The following TENM1 variants were observed in gnomAD, a reference collection of about 807,000 sequenced individuals.
The protein encoded by TENM1 is teneurin-1.
In TENM1, 35 loss-of-function variants were observed where a neutral mutation model predicts 174.8. That is an observed-to-expected ratio of 0.20 (90% confidence interval 0.15 to 0.27). The LOEUF (loss-of-function observed/expected upper bound fraction) is 0.27, where lower values mean the gene tolerates loss of function less well. Ranked by LOEUF, TENM1 falls within the 10% of genes least tolerant of loss-of-function variation. The probability of loss-of-function intolerance (pLI) is 1.00; values close to 1 mark genes in which losing one functional copy is unlikely to be tolerated. For missense variants in TENM1, 1,633 were observed against 2,130.1 expected (o/e 0.77, Z 4.59); for synonymous variants, 781 against 798.7 (o/e 0.98, Z 0.37).
At chrX:124,499,681 A>G (rs1248375290) in intron 19 of TENM1, among the ~76,000 whole-genome samples, 1 of 112,045 alleles carries the variant, frequency 8.9e-6, no homozygotes, top group African/African-American at 3.2e-5. Flanking sequence ...AGTGTGGTCA[A>G]TATTGTAATT....
chrX:124,869,760 G>A (rs1286411442), intron 3 of TENM1, among the ~76,000 whole-genome samples: 1 of 104,495 alleles, frequency 9.6e-6, no homozygotes, highest in Non-Finnish European at 1.9e-5. Context: ...TTGTTTGTAG[G>A]ATCTAAAAAT....
chrX:124,738,239 T>G (rs941412231), intron 3 of TENM1, among the ~76,000 whole-genome samples: 31 of 111,285 alleles, frequency 2.8e-4, no homozygotes, highest in Admixed American at 4.8e-4. Flanking sequence ...GACTGAGAGT[T>G]GAAAAGCAGA....
chrX:124,718,182 A>G (rs187160464), intron 4 of TENM1, among the ~76,000 whole-genome samples: 11 of 112,457 alleles, frequency 9.8e-5, no homozygotes, highest in Admixed American at 2.8e-4. Flanking sequence ...GCAGGTCTAA[A>G]GTAAGGCAGG....
rs201023481 is a variant in TENM1 at position 124,907,148 on chromosome X, A to G, written c.218-10907T>C. ...AATGTACTCTGCTTGCCTAATTTAA[A>G]TGGCCAAGAAGAACACTGGGAACAA... On this transcript the variant is annotated intron_variant, in intron 1 of 31. Transcript: ENST00000422452. 5.3e-5 allele frequency among the ~76,000 whole-genome samples: 6 copies of G among 112,287 alleles called. No homozygotes were observed. In the East Asian group the frequency reaches 1.4e-3, roughly 26 times the overall value.
the TENM1 span, among the ~76,000 whole-genome samples, chrX:125,169,494 C>CAAA: frequency 1.1e-4 from 12 of 111,664 alleles, no homozygotes; most frequent in African/African-American, 3.9e-4. Context: ...CACAGTCAGG[C>CAAA]TTTGGCCTTG....
At chrX:124,751,591 C>A (rs769703938) in intron 3 of TENM1, among the ~76,000 whole-genome samples, 13 of 107,959 alleles carry the variant, frequency 1.2e-4, no homozygotes, top group Admixed American at 1.1e-3. Flanking sequence ...GCTGCACCCA[C>A]TAACTCGTCA....
chrX:124,652,781 A>C (rs1012183250), intron 7 of TENM1, among the ~76,000 whole-genome samples: 15 of 112,067 alleles, frequency 1.3e-4, no homozygotes, highest in Non-Finnish European at 2.4e-4. Flanking sequence ...CATTTTTTCT[A>C]ATCAGTTGAC....
intron 3 of TENM1, among the ~76,000 whole-genome samples, chrX:124,827,958 A>C: frequency 8.9e-6 from 1 of 111,787 alleles, no homozygotes. Context: ...CTTTATATGT[A>C]TATATTTCAA....
intron 3 of TENM1, among the ~76,000 whole-genome samples, chrX:124,827,501 C>T (rs191117757): frequency 8.9e-6 from 1 of 111,966 alleles, no homozygotes; most frequent in Non-Finnish European, 1.9e-5. Context: ...AGTGAAAATG[C>T]CTTTATTTTG....
At chrX:124,666,358 A>G (rs770514902) in intron 6 of TENM1, among the ~76,000 whole-genome samples, 55 of 111,682 alleles carry the variant, frequency 4.9e-4, no homozygotes, top group African/African-American at 1.8e-3. Context: ...CTCCATTTAT[A>G]TTGCTACTGA....
At chrX:124,763,573 T>A (rs1174324078) in intron 3 of TENM1, among the ~76,000 whole-genome samples, 1 of 111,242 alleles carries the variant, frequency 9.0e-6, no homozygotes, top group East Asian at 2.8e-4. Flanking sequence ...CAGGAGCTCA[T>A]CTCCTATTCT....
chrX:124,637,291 T>C (rs1414316281), intron 11 of TENM1, among the ~76,000 whole-genome samples: 2 of 110,139 alleles, frequency 1.8e-5, no homozygotes, highest in African/African-American at 6.6e-5. Flanking sequence ...GGTTTCACCA[T>C]GTTGGCCAGG....
chrX:124,506,861 C>T (rs1000225414), intron 18 of TENM1, among the ~76,000 whole-genome samples: 5 of 111,795 alleles, frequency 4.5e-5, no homozygotes, highest in Admixed American at 2.9e-4. Flanking sequence ...GCACTAAATG[C>T]CTACTTTTTT....
intron 3 of TENM1, among the ~76,000 whole-genome samples, chrX:124,771,860 T>C (rs184337045): frequency 9.1e-4 from 102 of 111,994 alleles, no homozygotes; most frequent in Middle Eastern, 4.6e-3. Context: ...TAAGAAAATG[T>C]GTAGAAAGAT....
chrX:124,603,618 C>T (rs1354227213), intron 11 of TENM1, among the ~76,000 whole-genome samples: 1 of 111,844 alleles, frequency 8.9e-6, no homozygotes. Context: ...CTACACTAAA[C>T]TGCTTTCAGA....
At chrX:124,412,904 G>A (rs1376264454) in intron 25 of TENM1, among the ~76,000 whole-genome samples, 2 of 112,393 alleles carry the variant, frequency 1.8e-5, no homozygotes, top group Non-Finnish European at 3.8e-5. Context: ...GGGCTGAGCA[G>A]AATAGGAGGA....
intron 23 of TENM1, among the ~76,000 whole-genome samples, chrX:124,444,124 C>G (rs1317575024): frequency 8.9e-6 from 1 of 111,828 alleles, no homozygotes; most frequent in Non-Finnish European, 1.9e-5. Flanking sequence ...CACAATTGCA[C>G]CTACCTATCC....
chrX:125,194,059 C>T, the TENM1 span, among the ~76,000 whole-genome samples: 1 of 111,523 alleles, frequency 9.0e-6, no homozygotes, highest in Non-Finnish European at 1.9e-5. Flanking sequence ...GCTAGGATTA[C>T]AGGCAGGAAC....
intron 3 of TENM1, among the ~76,000 whole-genome samples, chrX:124,883,042 C>T (rs1315081578): frequency 9.0e-6 from 1 of 111,201 alleles, no homozygotes; most frequent in Non-Finnish European, 1.9e-5. Context: ...TCATTATTTT[C>T]CCAGGATTTC....
Sources: gnomAD v4.1 joint callset for allele counts (sites outside exome capture counted in the v4.1 genomes callset) on GRCh38, gnomAD v4.1.1 for gene constraint, MANE v1.5 for transcripts, NCBI Gene and HGNC (gene_info 2026-07-23, HGNC 2026-07-21) for gene names.